Variants in SORCS3 observed in about 807,000 individuals in gnomAD.
SORCS3 encodes the protein VPS10 domain-containing receptor SorCS3.
In SORCS3, 57 loss-of-function variants were observed where a neutral mutation model predicts 146.3. The ratio of observed to expected loss-of-function variants is 0.39; its 90% CI spans 0.31 to 0.49. SORCS3 has a LOEUF of 0.49. Ranked by LOEUF, SORCS3 falls within the 20% of genes least tolerant of loss-of-function variation. The pLI, the probability that SORCS3 is intolerant of heterozygous loss-of-function variation, is 0.92. For synonymous variants in SORCS3, 653 were observed against 618.5 expected (o/e 1.06, Z -0.83); for missense variants, 1,341 against 1,575.5 (o/e 0.85, Z 2.52).
At chr10:105,219,939 A>G (rs946846255) in intron 19 of SORCS3, among the ~76,000 whole-genome samples, 2 of 152,192 alleles carry the variant, frequency 1.3e-5, no homozygotes, top group Non-Finnish European at 2.9e-5. Flanking sequence ...TATCGTGCTT[A>G]TAATTCCCTC....
chr10:104,773,125 G>A (rs1482853556), intron 1 of SORCS3, among the ~76,000 whole-genome samples: 4 of 152,198 alleles, frequency 2.6e-5, no homozygotes. Flanking sequence ...TCTAAAGCAG[G>A]GGAGCAGCAC....
chr10:105,111,003 G>T (rs2055855654), intron 7 of SORCS3, among the ~76,000 whole-genome samples: 1 of 151,994 alleles, frequency 6.6e-6, no homozygotes, highest in South Asian at 2.1e-4. Context: ...TGTCTACAAA[G>T]ACCTCTGTGA....
intron 1 of SORCS3, among the ~76,000 whole-genome samples, chr10:104,707,210 C>T (rs2133435946): frequency 6.6e-6 from 1 of 152,228 alleles, no homozygotes; most frequent in South Asian, 2.1e-4. Flanking sequence ...TACTTACTAG[C>T]TGTATATCTA....
rs192903168 is a variant in SORCS3, at chr10:105,162,335, C to T, written c.1733-1968C>T. On this transcript the variant is annotated intron_variant, in intron 11 of 26. Transcript: ENST00000369701. ...CTCCATCTCACTCTCCCTCCTCTCTCATCATACCACTCAAGTGGGCAACAG... is the reference window on the plus strand; with the variant it reads ...CTCCATCTCACTCTCCCTCCTCTCTTATCATACCACTCAAGTGGGCAACAG... 2.5e-3 allele frequency among the ~76,000 whole-genome samples: 386 copies of T among 152,282 alleles called. 2 individuals are homozygous for T. Among genetic ancestry groups the T allele is most frequent in the African/African-American group, 8.7e-3 (363 of 41,560 alleles).
intron 3 of SORCS3, among the ~76,000 whole-genome samples, chr10:104,958,934 A>C (rs2054773023): frequency 6.6e-6 from 1 of 152,104 alleles, no homozygotes; most frequent in Non-Finnish European, 1.5e-5. Flanking sequence ...CGAGAACAGC[A>C]TGGGAGAAAC....
At chr10:104,796,022 T>A (rs1176788521) in intron 1 of SORCS3, among the ~76,000 whole-genome samples, 1 of 152,226 alleles carries the variant, frequency 6.6e-6, no homozygotes, top group Non-Finnish European at 1.5e-5. Flanking sequence ...AGCTGTCATG[T>A]GTCTTTGGCT....
At chr10:104,810,476 G>A (rs1589507629) in intron 1 of SORCS3, among the ~76,000 whole-genome samples, 1 of 152,126 alleles carries the variant, frequency 6.6e-6, no homozygotes, top group African/African-American at 2.4e-5. Flanking sequence ...TTTCAATATT[G>A]TAAAGTAAAA....
At chr10:104,752,142 C>G (rs1564675495) in intron 1 of SORCS3, among the ~76,000 whole-genome samples, 1 of 150,786 alleles carries the variant, frequency 6.6e-6, no homozygotes, top group Non-Finnish European at 1.5e-5. Context: ...TTAAGTGATT[C>G]TCCTGCCTCA....
At chr10:104,913,535 G>A (rs2018992064) in intron 2 of SORCS3, among the ~76,000 whole-genome samples, 1 of 152,140 alleles carries the variant, frequency 6.6e-6, no homozygotes, top group Non-Finnish European at 1.5e-5. Context: ...AGCCTAGGGA[G>A]GGGTTTGAAA....
Position 105,167,293 on chromosome 10 carries a change from C to T in SORCS3, c.1845C>T (p.Asp615=). 6.2e-7 allele frequency: 1 copy of T among 1,613,458 alleles called. No homozygotes were observed. Among genetic ancestry groups the T allele is most frequent in the Non-Finnish European group, 8.5e-7 (1 of 1,179,572 alleles). Residue 615 remains aspartate (D), a synonymous_variant, in exon 13 of 27, where the codon GAC becomes GAT. Coordinates refer to ENST00000369701, the MANE Select transcript of SORCS3 (RefSeq NM_014978.3). The part of the protein sequence containing the change: ...FDEEYNVWFL[D]WGGALVAMKH... ...AAGAGTACAATGTCTGGTTCCTAGA[C>T]TGGGGTGGTGCCCTCGTGGCCATGA... is the stretch of plus-strand genomic sequence containing the variant.
intron 1 of SORCS3, among the ~76,000 whole-genome samples, chr10:104,728,593 A>T (rs1564669589): frequency 2.0e-5 from 3 of 152,224 alleles, no homozygotes; most frequent in Admixed American, 2.0e-4. Flanking sequence ...TGCACTAAAT[A>T]TGAGGACCTT....
intron 5 of SORCS3, among the ~76,000 whole-genome samples, chr10:105,070,811 G>T (rs141992161): frequency 2.6e-5 from 4 of 152,320 alleles, no homozygotes; most frequent in East Asian, 1.9e-4. Context: ...ATGGCAATTT[G>T]TCAGGAGTTA....
chr10:104,927,393 T>C (rs2019159168), intron 3 of SORCS3, among the ~76,000 whole-genome samples: 1 of 152,184 alleles, frequency 6.6e-6, no homozygotes, highest in African/African-American at 2.4e-5. Context: ...CAGTAATTGT[T>C]TAGGCAGAGC....
intron 1 of SORCS3, among the ~76,000 whole-genome samples, chr10:104,791,468 A>C (rs889559105): frequency 2.0e-5 from 3 of 152,240 alleles, no homozygotes; most frequent in Admixed American, 1.3e-4. Context: ...CAGATGACTT[A>C]AAAGAGGCTC....
At chr10:105,044,261 T>C (rs1448006316) in intron 5 of SORCS3, among the ~76,000 whole-genome samples, 1 of 152,038 alleles carries the variant, frequency 6.6e-6, no homozygotes, top group Non-Finnish European at 1.5e-5. Flanking sequence ...TCCCAGCTAC[T>C]CAGGAGGCTG....
chr10:104,898,473 CT>C (rs1426725306), intron 2 of SORCS3, among the ~76,000 whole-genome samples: 1 of 152,132 alleles, frequency 6.6e-6, no homozygotes, highest in African/African-American at 2.4e-5. Context: ...TAATTAACTG[CT>C]TTTTTATGTG....
chr10:104,751,957 ATATATATATAT>A, intron 1 of SORCS3, among the ~76,000 whole-genome samples: 1 of 116,730 alleles, frequency 8.6e-6, no homozygotes. Flanking sequence ...ATATATATAT[ATATATATATAT>A]AATAGTTTAG....
At chr10:105,144,233 C>T (rs2056114919) in intron 8 of SORCS3, among the ~76,000 whole-genome samples, 1 of 152,150 alleles carries the variant, frequency 6.6e-6, no homozygotes, top group African/African-American at 2.4e-5. Context: ...GTTCCATCCT[C>T]ATTGTCACCT....
At position 105,218,930 on chromosome 10, in the gene SORCS3, G is replaced by A. The variant is rs148327993; in HGVS notation, c.2734+1808G>A. Among the ~76,000 whole-genome samples, 276 of 152,226 alleles carry A rather than the reference G, an allele frequency of 1.8e-3. 1 individual carries two copies. The South Asian group carries it at 0.033, about 18-fold the overall frequency. ...CTAGGGAGGCTGAGGCAGGAGAATCGCTTGAACCTGGGAGGCGGAGGTTGC... is the reference window on the plus strand; with the variant it reads ...CTAGGGAGGCTGAGGCAGGAGAATCACTTGAACCTGGGAGGCGGAGGTTGC... On this transcript the variant is annotated intron_variant, in intron 19 of 26. Coordinates refer to ENST00000369701, the MANE Select transcript of SORCS3 (RefSeq NM_014978.3).
Sources: allele counts gnomAD v4.1 joint callset (sites outside exome capture counted in the v4.1 genomes callset), GRCh38; gene constraint gnomAD v4.1.1; transcripts MANE v1.5; gene names NCBI Gene and HGNC (gene_info 2026-07-23, HGNC 2026-07-21).